Variants in NPAS3 observed in about 807,000 individuals in gnomAD.
NPAS3 encodes neuronal PAS domain protein 3.
In NPAS3, 14 loss-of-function variants were observed where a neutral mutation model predicts 73.1. The ratio of observed to expected loss-of-function variants is 0.19; its 90% confidence interval spans 0.13 to 0.30. The LOEUF is 0.30. Among genes scored for constraint, NPAS3 ranks in the 10% least tolerant of loss-of-function variants. NPAS3 has a pLI of 1.00. For missense variants in NPAS3, 1,096 were observed against 1,250.0 expected, an observed-to-expected ratio of 0.88 and a Z score of 1.86; for synonymous variants, 620 against 541.5, an observed-to-expected ratio of 1.14 and a Z score of -2.01.
chr14:33,464,830 T>C (rs1799800210), intron 4 of NPAS3, among the ~76,000 whole-genome samples: 1 of 152,210 alleles, frequency 6.6e-6, no homozygotes, highest in African/African-American at 2.4e-5. Flanking sequence ...CTGGTCCTGA[T>C]GGAAAGGCTT....
chr14:33,308,510 T>TTTTATATATATA (rs374327824), intron 3 of NPAS3, among the ~76,000 whole-genome samples: 5 of 83,516 alleles, frequency 6.0e-5, no homozygotes, highest in African/African-American at 3.1e-4. Context: ...ATTGCATAGT[T>TTTTATATATATA]TATATATATA....
chr14:33,296,190 T>C (rs1216959324), intron 3 of NPAS3, among the ~76,000 whole-genome samples: 5 of 152,234 alleles, frequency 3.3e-5, no homozygotes, highest in Non-Finnish European at 5.9e-5. Flanking sequence ...TTCTGCCATG[T>C]AAAGAATATT....
At chr14:32,993,300 C>A (rs905993803) in intron 1 of NPAS3, among the ~76,000 whole-genome samples, 24 of 152,016 alleles carry the variant, frequency 1.6e-4, no homozygotes, top group Admixed American at 1.2e-3. Flanking sequence ...TGGGACTGAC[C>A]ACTTTTAGAG....
intron 6 of NPAS3, among the ~76,000 whole-genome samples, chr14:33,687,272 T>G (rs1412808804): frequency 6.6e-6 from 1 of 152,196 alleles, no homozygotes; most frequent in Non-Finnish European, 1.5e-5. Context: ...ATTACAAAAT[T>G]ACATATGCTA....
chr14:33,586,070 A>T (rs556573192), intron 5 of NPAS3: 1 of 152,050 alleles, frequency 6.6e-6, no homozygotes, highest in South Asian at 2.1e-4. Flanking sequence ...GGAACTAGGG[A>T]GTTATCTGTT....
chr14:33,674,856 T>C (rs920181944), intron 5 of NPAS3, among the ~76,000 whole-genome samples: 7 of 152,180 alleles, frequency 4.6e-5, no homozygotes, highest in Non-Finnish European at 1.0e-4. Flanking sequence ...GTTAATCAAA[T>C]GGAGTCTGGG....
At chr14:33,137,679 A>G (rs780393274) in intron 2 of NPAS3, among the ~76,000 whole-genome samples, 39 of 152,326 alleles carry the variant, frequency 2.6e-4, no homozygotes, top group Non-Finnish European at 5.4e-4. Flanking sequence ...GCCAGGATTT[A>G]TAATATTTAT....
chr14:33,473,916 A>C (rs2050902478), intron 4 of NPAS3, among the ~76,000 whole-genome samples: 1 of 152,196 alleles, frequency 6.6e-6, no homozygotes, highest in Admixed American at 6.5e-5. Context: ...AGCCTCAAAT[A>C]TGTACTACAT....
chr14:33,498,010 C>A (rs907885220), intron 4 of NPAS3, among the ~76,000 whole-genome samples: 13 of 151,804 alleles, frequency 8.6e-5, no homozygotes, highest in African/African-American at 2.4e-4. Context: ...AAAAAAACAA[C>A]CCCATCAAAA....
At chr14:33,358,487 A>C (rs28537617) in intron 3 of NPAS3, among the ~76,000 whole-genome samples, 2 of 152,092 alleles carry the variant, frequency 1.3e-5, no homozygotes, top group African/African-American at 4.8e-5. Context: ...ATGTCTGATC[A>C]GTAGATCCCA....
chr14:33,406,806 C>G (rs190650859), intron 4 of NPAS3, among the ~76,000 whole-genome samples: 1 of 152,160 alleles, frequency 6.6e-6, no homozygotes, highest in African/African-American at 2.4e-5. Flanking sequence ...TTTTCTAACC[C>G]AGAACCAAAA....
At chr14:32,962,280 G>T (rs980817923) in intron 1 of NPAS3, among the ~76,000 whole-genome samples, 4 of 152,156 alleles carry the variant, frequency 2.6e-5, no homozygotes, top group Non-Finnish European at 4.4e-5. Context: ...TAGATTTTTT[G>T]TTATTAAAAC....
At chr14:33,280,137 C>T (rs1164028231) in intron 3 of NPAS3, among the ~76,000 whole-genome samples, 1 of 152,084 alleles carries the variant, frequency 6.6e-6, no homozygotes, top group African/African-American at 2.4e-5. Context: ...GAGTAGCTTC[C>T]TTGGTAGTGG....
At chr14:33,076,275 A>G (rs2041655895) in intron 2 of NPAS3, among the ~76,000 whole-genome samples, 1 of 152,216 alleles carries the variant, frequency 6.6e-6, no homozygotes, top group Non-Finnish European at 1.5e-5. Flanking sequence ...GGAAGTAAAG[A>G]GCTTTTTGCT....
In NPAS3 at chr14:33,546,595, G is replaced by T. The variant is rs145239677; in HGVS notation, c.469-13526G>T. On this transcript the variant is annotated intron_variant, in intron 4 of 11. Coordinates refer to ENST00000356141, the Ensembl canonical transcript of NPAS3. ...TCTGTATAGTAAGCTATGTGGGACAGGGATTTTTATCCTGCTCAATATGTT... is the reference window on the plus strand; with the variant it reads ...TCTGTATAGTAAGCTATGTGGGACATGGATTTTTATCCTGCTCAATATGTT... 5.6e-3 allele frequency among the ~76,000 whole-genome samples: 857 copies of T among 152,278 alleles called. 2 individuals are homozygous for T. The highest frequency in any genetic ancestry group is 0.01 in the Middle Eastern group (3 of 294).
chr14:33,772,021 C>T lies in NPAS3; in HGVS notation c.853-2316C>T, dbSNP rs28700914. On this transcript the variant is annotated intron_variant, in intron 7 of 11. Transcript: ENST00000356141. Reference sequence around the variant, plus strand: ...ACCTGAAAATAAAAAGGGAAAGGAGCGAAGATAGACCCTCCCAAATTTTCT... The same window carrying T: ...ACCTGAAAATAAAAAGGGAAAGGAGTGAAGATAGACCCTCCCAAATTTTCT... Among the ~76,000 whole-genome samples, 271 of 152,228 alleles carry T rather than the reference C, an allele frequency of 1.8e-3. 1 individual carries two copies. The highest frequency in any genetic ancestry group is 6.2e-3 in the African/African-American group (256 of 41,528).
intron 3 of NPAS3, among the ~76,000 whole-genome samples, chr14:33,259,296 T>A (rs2048888772): frequency 6.6e-6 from 1 of 152,200 alleles, no homozygotes; most frequent in South Asian, 2.1e-4. Flanking sequence ...CATTTTATTT[T>A]TTTTTCTCTG....
At chr14:33,719,775 C>T (rs1164036493) in intron 6 of NPAS3, among the ~76,000 whole-genome samples, 4 of 152,070 alleles carry the variant, frequency 2.6e-5, no homozygotes, top group Admixed American at 6.6e-5. Context: ...GGAAGTGAAC[C>T]GTCATATGGT....
chr14:33,544,792 A>G lies in NPAS3; in HGVS notation c.469-15329A>G, dbSNP rs940518734. On this transcript the variant is annotated intron_variant, in intron 4 of 11. Transcript: ENST00000356141. Reference sequence around the variant, plus strand: ...GTATGTGTTTATGTGTGTGTATTATATATATATATATATATATATGTATAT... The same window carrying G: ...GTATGTGTTTATGTGTGTGTATTATGTATATATATATATATATATGTATAT... Among the ~76,000 whole-genome samples, 100 of 67,338 alleles carry G rather than the reference A, an allele frequency of 1.5e-3. 3 individuals carry two copies. Among genetic ancestry groups the G allele is most frequent in the South Asian group, 9.5e-3 (25 of 2,640 alleles). The allele number at this position is 67,338 out of a possible 152,430, so 44.2% of individuals were successfully genotyped here.
Sources: allele counts gnomAD v4.1 joint callset (sites outside exome capture counted in the v4.1 genomes callset), GRCh38; gene constraint gnomAD v4.1.1; transcripts MANE v1.5; gene names NCBI Gene and HGNC (gene_info 2026-07-23, HGNC 2026-07-21).